The following TREM1 variants were observed in gnomAD, a reference collection of about 807,000 sequenced individuals.
TREM1 encodes triggering receptor expressed on myeloid cells 1, also known as triggering receptor expressed on monocytes 1.
In TREM1, 16 loss-of-function variants were observed where a neutral mutation model predicts 22.4. The ratio of observed to expected loss-of-function variants is 0.71; its 90% CI spans 0.48 to 1.08. The LOEUF is 1.08. TREM1 is among the 50% of genes least tolerant of loss of function. TREM1 has a pLI of 0.00. For missense variants in TREM1, 283 were observed against 282.9 expected (o/e 1.00, Z 0.00); for synonymous variants, 110 against 111.6 (o/e 0.99, Z 0.09).
At chr6:41,270,588 G>A (rs572005406), downstream of TREM1, among the ~76,000 whole-genome samples, 9 of 151,972 alleles carry the variant, frequency 5.9e-5, no homozygotes, top group East Asian at 1.9e-4. Context: ...TCTACATTTC[G>A]TAGACTGGAA....
In TREM1 at chr6:41,273,664, G is replaced by A. The variant is rs1482598616; in HGVS notation, c.*2461C>T. 2.0e-5 allele frequency among the ~76,000 whole-genome samples: 3 copies of A among 152,236 alleles called. No homozygotes were observed. Among genetic ancestry groups the A allele is most frequent in the Non-Finnish European group, 4.4e-5 (3 of 68,042 alleles). Reference sequence around the variant, plus strand: ...GCATAGAATTTAGGGAATCCAGTAAGGGGTGCTTCAGTATGCTGAGGCTGG... The same window carrying A: ...GCATAGAATTTAGGGAATCCAGTAAAGGGTGCTTCAGTATGCTGAGGCTGG... On this transcript the variant is annotated 3_prime_UTR_variant, in exon 4 of 4. Coordinates refer to ENST00000244709, the MANE Select transcript of TREM1 (RefSeq NM_018643.5).
Position 41,275,932 on chromosome 6 carries a change from T to C in TREM1, c.*193A>G. On this transcript the variant is annotated 3_prime_UTR_variant, in exon 4 of 4. Coordinates refer to ENST00000244709, the MANE Select transcript of TREM1 (RefSeq NM_018643.5). Reference sequence around the variant, plus strand: ...TGTAACTTCTTTTCTGAGGCACAAATGCCCACCCAAGATTATTAGAGGAAC... The same window carrying C: ...TGTAACTTCTTTTCTGAGGCACAAACGCCCACCCAAGATTATTAGAGGAAC... The C allele has an allele frequency of 1.7e-6, 1 of 587,974 alleles. No homozygotes were observed. The highest frequency in any genetic ancestry group is 2.8e-5 in the East Asian group (1 of 35,300). 36.4% of individuals were successfully genotyped at this position (587,974 alleles called of 1,614,324 possible).
downstream of TREM1, among the ~76,000 whole-genome samples, chr6:41,268,983 TTGCTTGGTCAACTGTTTATTTGCAGA>T (rs1767408225): frequency 6.6e-6 from 1 of 152,172 alleles, no homozygotes; most frequent in African/African-American, 2.4e-5. Flanking sequence ...CTCTGTCCCT[TTGCTTGGTCAACTGTTTATTTGCAGA>T]TGCTATGAAG....
chr6:41,284,721 G>A (rs1005791071), intron 1 of TREM1, among the ~76,000 whole-genome samples: 12 of 152,102 alleles, frequency 7.9e-5, no homozygotes, highest in African/African-American at 2.9e-4. Context: ...CCCTTTCATG[G>A]AGCCCCCTGG....
intron 3 of TREM1, chr6:41,279,815 G>A: frequency 1.0e-6 from 1 of 985,416 alleles, no homozygotes; most frequent in Non-Finnish European, 1.2e-6. Context: ...CCAATCTTTT[G>A]GAAGACCATT....
intron 2 of TREM1, 56 bp from the exon 3 acceptor site, chr6:41,281,209 T>A: frequency 1.9e-6 from 3 of 1,577,616 alleles, no homozygotes; most frequent in Non-Finnish European, 2.6e-6. Context: ...AATGGGTGGA[T>A]GGGTGGGTGA....
intron 3 of TREM1, chr6:41,280,409 ATGCAACAATGTTATT>A: frequency 1.0e-6 from 1 of 990,656 alleles, no homozygotes; most frequent in Non-Finnish European, 1.2e-6. Flanking sequence ...AATTGGGCAC[ATGCAACAATGTTATT>A]TAAAAAACAA....
Position 41,276,013 on chromosome 6 carries a change from G to T in TREM1, c.*112C>A. 2.6e-6 allele frequency: 2 copies of T among 779,962 alleles called. No homozygotes were observed. The highest frequency in any genetic ancestry group is 4.5e-6 in the Non-Finnish European group (2 of 447,740). 48.3% of individuals were successfully genotyped at this position (779,962 alleles called of 1,614,324 possible). ...ACTTTAGAAATAGCCGGTGATTACA[G>T]ATTTAATTCATGTTATTAACTCCCT... On this transcript the variant is annotated 3_prime_UTR_variant, in exon 4 of 4. Coordinates refer to ENST00000244709, the MANE Select transcript of TREM1 (RefSeq NM_018643.5).
rs768567111 is a variant in TREM1, at chr6:41,282,698, G to C, written c.103C>G (p.Gln35Glu). ...TAGTCACATTTCACATCCAGGGTCT[G>C]CCCCTCTTTCAGTTCATACTTTTCC... is the stretch of plus-strand genomic sequence containing the variant. ...TEEKYELKEGQTLDVKCDYTL... is the reference protein window; with the variant it reads ...TEEKYELKEGETLDVKCDYTL... The change falls in exon 2 of 4, where the codon CAG (glutamine) becomes GAG (glutamate). Residue 35 changes from glutamine to glutamate, a missense_variant. Transcript: ENST00000244709. 9.3e-6 allele frequency: 15 copies of C among 1,613,970 alleles called. No homozygotes were observed. The South Asian group carries it at 1.5e-4, about 17-fold the overall frequency.
chr6:41,286,569 C>G lies in TREM1; in HGVS notation c.49+38G>C, dbSNP rs376619829. 6.2e-6 allele frequency: 10 copies of G among 1,612,276 alleles called. No individual in the cohort carries two copies. In the African/African-American group the frequency reaches 1.1e-4, roughly 17 times the overall value. ...AAAAGGGCTCCCCGAGATCCTGGAC[C>G]AAACGCCTCCCCTGCTCAGTCCTCT... On this transcript the variant is annotated intron_variant, in intron 1 of 3. Transcript: ENST00000244709.
rs77713842 is a variant in TREM1 at position 41,268,391 on chromosome 6, G to A, written c.600-303C>T. Among the ~76,000 whole-genome samples, 728 of 152,252 alleles carry A rather than the reference G, an allele frequency of 4.8e-3. 3 individuals are homozygous for A. Among genetic ancestry groups the A allele is most frequent in the Non-Finnish European group, 8.1e-3 (553 of 68,008 alleles). ...ATACAGTTCTCATTTAACAGTATGC[G>A]CTCAGTCTTTCTCAACCATTTCTCT... is the stretch of plus-strand genomic sequence containing the variant. On this transcript the variant is annotated intron_variant, in intron 3 of 3. Coordinates refer to the TREM1 transcript ENST00000589614.
Position 41,282,565 on chromosome 6 carries a change from G to C in TREM1, c.236C>G (p.Pro79Arg), listed in dbSNP as rs747457579. The C allele has an allele frequency of 3.7e-6, 6 of 1,614,058 alleles. No homozygotes were observed. The African/African-American group carries it at 8.0e-5, about 22-fold the overall frequency. The change falls in exon 2 of 4, where the codon CCA becomes CGA. Residue 79 changes from proline (P) to arginine (R), a missense_variant. By Grantham distance (103) the Pro-to-Arg change is moderately radical. Transcript: ENST00000244709. ...CTERPSKNSH[P>R]VQVGRIILED... is the part of the protein sequence containing the mutation. ...TAGTATGATCCTCCCCACTTGGACT[G>C]GATGGGAATTCTTTGAAGGCCTCTC...
chr6:41,276,610 A>C (rs754525223), intron 3 of TREM1, among the ~76,000 whole-genome samples: 4 of 152,052 alleles, frequency 2.6e-5, no homozygotes, highest in Non-Finnish European at 5.9e-5. Flanking sequence ...TCACCTATAA[A>C]CCGAGAAGAA....
At position 41,276,335 on chromosome 6, in the gene TREM1, C is replaced by G. The variant is rs184486159; in HGVS notation, c.600-105G>C. 2.3e-5 allele frequency: 18 copies of G among 780,838 alleles called. No homozygotes were observed. The South Asian group carries it at 2.6e-4, about 11-fold the overall frequency. The allele number at this position is 780,838 out of a possible 1,614,324, so 48.4% of individuals were successfully genotyped here. A position where few individuals can be genotyped will look rare whatever the true frequency, so the allele number is the denominator to read the frequency against. On this transcript the variant is annotated intron_variant, in intron 3 of 3. Coordinates refer to ENST00000244709, the MANE Select transcript of TREM1 (RefSeq NM_018643.5). Reference sequence around the variant, plus strand: ...ATGTCCCACTCTCCTCTGCTTAGATCCTTGCTCCACCTTTCCCGCACTGCC... The same window carrying G: ...ATGTCCCACTCTCCTCTGCTTAGATGCTTGCTCCACCTTTCCCGCACTGCC...
rs945769898 is a variant in TREM1, at chr6:41,275,042, A to G, written c.*1083T>C. Among the ~76,000 whole-genome samples the G allele has an allele frequency of 9.9e-5, 15 of 151,662 alleles. No homozygotes were observed. Among genetic ancestry groups the G allele is most frequent in the African/African-American group, 2.7e-4 (11 of 41,348 alleles). The stretch of plus-strand genomic sequence containing the variant: ...GAAATCTGTGGGAGATTGCAAGACA[A>G]TCTCCCACAGAGATTGTCTCTGTGG... On this transcript the variant is annotated 3_prime_UTR_variant, in exon 4 of 4. Transcript: ENST00000244709.
intron 1 of TREM1, among the ~76,000 whole-genome samples, chr6:41,283,853 C>T (rs556717194): frequency 2.2e-4 from 34 of 152,254 alleles, no homozygotes; most frequent in Non-Finnish European, 4.4e-4. Context: ...AATGGAAATG[C>T]TTCTTGCTGG....
intron 3 of TREM1, chr6:41,279,746 T>G (rs1767831115): frequency 1.0e-6 from 1 of 985,480 alleles, no homozygotes; most frequent in Non-Finnish European, 1.2e-6. Context: ...AATCCGTGTC[T>G]GTAAGCCTGC....
downstream of TREM1, among the ~76,000 whole-genome samples, chr6:41,267,469 C>G (rs1288721949): frequency 1.3e-5 from 2 of 152,052 alleles, no homozygotes; most frequent in Non-Finnish European, 2.9e-5. Context: ...AAAATCAATT[C>G]TATATATTTT....
chr6:41,271,011 C>T (rs1767467126), downstream of TREM1, among the ~76,000 whole-genome samples: 1 of 152,198 alleles, frequency 6.6e-6, no homozygotes, highest in Non-Finnish European at 1.5e-5. Flanking sequence ...TGGCCTCACA[C>T]AGCTCTTTGT....
Sources: gnomAD v4.1 joint callset for allele counts (sites outside exome capture counted in the v4.1 genomes callset) on GRCh38, gnomAD v4.1.1 for gene constraint, MANE v1.5 for transcripts, NCBI Gene and HGNC (gene_info 2026-07-23, HGNC 2026-07-21) for gene names.